The following KIF13A variants were observed in gnomAD, a reference collection of about 807,000 sequenced individuals.
The protein encoded by KIF13A is kinesin-like protein KIF13A.
KIF13A carries 79 observed loss-of-function variants against 212.2 expected under a neutral mutation model. The ratio of observed to expected loss-of-function variants is 0.37; its 90% confidence interval spans 0.31 to 0.45. The LOEUF is 0.45. Ranked by LOEUF, KIF13A falls within the 20% of genes least tolerant of loss-of-function variation. The pLI is 1.00. For missense variants in KIF13A, 1,901 were observed against 2,209.0 expected (o/e 0.86, Z 2.79); for synonymous variants, 789 against 808.6 (o/e 0.98, Z 0.41).
At chr6:17,979,736 C>A (rs1261961941) in intron 2 of KIF13A, among the ~76,000 whole-genome samples, 1 of 148,396 alleles carries the variant, frequency 6.7e-6, no homozygotes, top group Non-Finnish European at 1.5e-5. Context: ...AGAGAAGATA[C>A]CACAACCAAG....
intron 2 of KIF13A, among the ~76,000 whole-genome samples, chr6:17,916,294 T>C (rs116340744): frequency 0.015 from 2,298 of 152,278 alleles, 58 homozygotes; most frequent in African/African-American, 0.052. Flanking sequence ...TTAAATTACA[T>C]CCAACCACAT....
At chr6:17,976,626 G>C (rs1257679891) in intron 2 of KIF13A, among the ~76,000 whole-genome samples, 2 of 152,190 alleles carry the variant, frequency 1.3e-5, no homozygotes, top group Admixed American at 1.3e-4. Context: ...AGCCCAGAAA[G>C]GGGATCCCAC....
Position 17,794,941 on chromosome 6 carries a change from GAGAA to G in KIF13A, c.2943-241_2943-238del, listed in dbSNP as rs1252669287. 2.2e-6 allele frequency: 1 copy of G among 463,466 alleles called. No individual in the cohort carries two copies. Among genetic ancestry groups the G allele is most frequent in the Non-Finnish European group, 3.8e-6 (1 of 264,724 alleles). 28.7% of individuals were successfully genotyped at this position (463,466 alleles called of 1,614,324 possible). On this transcript the variant is annotated intron_variant, in intron 23 of 38. Transcript: ENST00000259711. This position sits in a 1 kb window ranked among gnomAD's most constrained non-coding sequence, Gnocchi z 4.1. ...TTGAGTATAGAGCTCGATGAGTTTT[GAGAA>G]ATGCACATATGAGTGTAACCTGCCC... is the stretch of plus-strand genomic sequence containing the variant.
chr6:17,826,411 G>C lies in KIF13A; in HGVS notation c.1533-287C>G, dbSNP rs1322193295. On this transcript the variant is annotated intron_variant, in intron 14 of 38. Transcript: ENST00000259711. The surrounding 1 kb of genome is among the most constrained non-coding windows in gnomAD (Gnocchi z 4.7). Reference sequence around the variant, plus strand: ...TCTTGTCAAAATTTGAGCTGAACCTGATCAAGCTTCCACATTTAAATGCCA... The same window carrying C: ...TCTTGTCAAAATTTGAGCTGAACCTCATCAAGCTTCCACATTTAAATGCCA... Among the ~76,000 whole-genome samples, 1 of 152,152 alleles carries C rather than the reference G, an allele frequency of 6.6e-6. No individual in the cohort carries two copies. Among genetic ancestry groups the C allele is most frequent in the Non-Finnish European group, 1.5e-5 (1 of 68,034 alleles).
At chr6:17,917,405 T>C (rs1035640233) in intron 2 of KIF13A, among the ~76,000 whole-genome samples, 1 of 151,710 alleles carries the variant, frequency 6.6e-6, no homozygotes, top group Non-Finnish European at 1.5e-5. Context: ...CACGCCCAGC[T>C]AACTTTTGTA....
rs964201809 is a variant in KIF13A at position 17,772,815 on chromosome 6, C to T, written c.4324+663G>A. Among the ~76,000 whole-genome samples the T allele has an allele frequency of 1.3e-5, 2 of 152,076 alleles. No homozygotes were observed. Among genetic ancestry groups the T allele is most frequent in the African/African-American group, 2.4e-5 (1 of 41,390 alleles). ...TTTTCTTGCGAGCCTCTTTTTTTCC[C>T]CCTCAGGCCACCCTGCTATATATGA... On this transcript the variant is annotated intron_variant, in intron 36 of 38. Transcript: ENST00000259711. The surrounding 1 kb of genome is among the most constrained non-coding windows in gnomAD (Gnocchi z 4.8).
At position 17,934,650 on chromosome 6, in the gene KIF13A, TG is replaced by T. The variant is rs1191406990; in HGVS notation, c.147-36471del. Among the ~76,000 whole-genome samples, 1 of 151,908 alleles carries T rather than the reference TG, an allele frequency of 6.6e-6. No homozygotes were observed. The highest frequency in any genetic ancestry group is 1.5e-5 in the Non-Finnish European group (1 of 67,966). ...AAAAATATTAAAAATTAGCAGGGCA[TG>T]GTGGCACATCCCTGTGGTCTCACCT... is the stretch of plus-strand genomic sequence containing the variant. On this transcript the variant is annotated intron_variant, in intron 2 of 38. Transcript: ENST00000259711. This position sits in a 1 kb window ranked among gnomAD's most constrained non-coding sequence, Gnocchi z 5.4.
Position 17,967,294 on chromosome 6 carries a change from TG to T in KIF13A, c.146+19759del, listed in dbSNP as rs903570202. Among the ~76,000 whole-genome samples, 4 of 152,326 alleles carry T rather than the reference TG, an allele frequency of 2.6e-5. No homozygotes were observed. The highest frequency in any genetic ancestry group is 2.6e-4 in the Admixed American group (4 of 15,300). On this transcript the variant is annotated intron_variant, in intron 2 of 38. Transcript: ENST00000259711. The surrounding 1 kb of genome is among the most constrained non-coding windows in gnomAD (Gnocchi z 4.1). ...AAAAACTCAGTAGTTATTCACTCAG[TG>T]GTATAAACTACCAAGCACAGAAAAA... is the stretch of plus-strand genomic sequence containing the variant.
Position 17,811,173 on chromosome 6 carries a change from C to T in KIF13A, c.2001-2243G>A, listed in dbSNP as rs1763398038. ...AATCAATCCTTCTCCCTGAAAACCTCTGTAGAAGACTCAGCTTCATTAAGT... is the reference window on the plus strand; with the variant it reads ...AATCAATCCTTCTCCCTGAAAACCTTTGTAGAAGACTCAGCTTCATTAAGT... On this transcript the variant is annotated intron_variant, in intron 17 of 38. Coordinates refer to ENST00000259711, the MANE Select transcript of KIF13A (RefSeq NM_022113.6). This position sits in a 1 kb window ranked among gnomAD's most constrained non-coding sequence, Gnocchi z 6.0. 6.6e-6 allele frequency among the ~76,000 whole-genome samples: 1 copy of T among 152,232 alleles called. No individual in the cohort carries two copies. The highest frequency in any genetic ancestry group is 6.5e-5 in the Admixed American group (1 of 15,272).
chr6:17,795,451 C>T (rs1431969977), intron 23 of KIF13A, among the ~76,000 whole-genome samples: 5 of 151,714 alleles, frequency 3.3e-5, no homozygotes, highest in African/African-American at 9.7e-5. Flanking sequence ...AAAAATTATC[C>T]GGGCATGGCA....
At position 17,837,759 on chromosome 6, in the gene KIF13A, C is replaced by T. The variant is rs1049751498; in HGVS notation, c.831-176G>A. Among the ~76,000 whole-genome samples the T allele has an allele frequency of 6.6e-6, 1 of 152,012 alleles. No homozygotes were observed. The highest frequency in any genetic ancestry group is 1.5e-5 in the Non-Finnish European group (1 of 67,986). Reference sequence around the variant, plus strand: ...TTGAGGCCAGGGGTTTGAGACCACCCTGGCCAACATGGTGAAACTCTGTCT... The same window carrying T: ...TTGAGGCCAGGGGTTTGAGACCACCTTGGCCAACATGGTGAAACTCTGTCT... On this transcript the variant is annotated intron_variant, in intron 9 of 38. Coordinates refer to ENST00000259711, the MANE Select transcript of KIF13A (RefSeq NM_022113.6). The surrounding 1 kb of genome is among the most constrained non-coding windows in gnomAD (Gnocchi z 5.4).
At position 17,849,390 on chromosome 6, in the gene KIF13A, T is replaced by C. The variant is rs1767405484; in HGVS notation, c.817A>G (p.Ser273Gly). 6.2e-7 allele frequency: 1 copy of C among 1,612,712 alleles called. No homozygotes were observed. The change falls in exon 9 of 39, where the codon AGC (serine) becomes GGC (glycine). Residue 273 changes from serine (S) to glycine (G), a missense_variant. Around this residue, in one of 5 missense-constraint regions of KIF13A, gnomAD observed 506 missense variants for 637.4 expected, o/e 0.79. Coordinates refer to ENST00000259711, the MANE Select transcript of KIF13A (RefSeq NM_022113.6). This position sits in a 1 kb window ranked among gnomAD's most constrained non-coding sequence, Gnocchi z 5.7. Reference protein sequence around the residue: ...GAAGERLKEGSNINKSLTTLG... With the variant: ...GAAGERLKEGGNINKSLTTLG... ...CAGCCACCTTACTTGTTAATGTTGC[T>C]GCCTTCTTTCAGTCGCTCTCCTGCA...
chr6:17,943,855 T>C (rs1777157884), intron 2 of KIF13A, among the ~76,000 whole-genome samples: 1 of 152,118 alleles, frequency 6.6e-6, no homozygotes, highest in South Asian at 2.1e-4. Context: ...TCAGTTGACT[T>C]ATGTCATAGA....
At chr6:17,763,378 G>A (rs1758676131), downstream of KIF13A, among the ~76,000 whole-genome samples, 1 of 150,638 alleles carries the variant, frequency 6.6e-6, no homozygotes, top group Non-Finnish European at 1.5e-5. Context: ...GCTGAGGCAG[G>A]AGGATCACGT....
rs1454379124 is a variant in KIF13A at position 17,850,219 on chromosome 6, C to T, written c.717+104G>A. The T allele has an allele frequency of 7.3e-6, 8 of 1,097,504 alleles. No individual in the cohort carries two copies. Among genetic ancestry groups the T allele is most frequent in the Non-Finnish European group, 1.0e-5 (8 of 790,938 alleles). The allele number at this position is 1,097,504 out of a possible 1,614,324, so 68.0% of individuals were successfully genotyped here. On this transcript the variant is annotated intron_variant, in intron 8 of 38. Coordinates refer to ENST00000259711, the MANE Select transcript of KIF13A (RefSeq NM_022113.6). This position sits in a 1 kb window ranked among gnomAD's most constrained non-coding sequence, Gnocchi z 6.2. The stretch of plus-strand genomic sequence containing the variant: ...CTCACCTAGTAAGCAGAAGAGCCAA[C>T]ATACAATTCTCAGCCACTGAACCCA...
chr6:17,987,201 C>G lies in KIF13A; in HGVS notation c.56-57G>C. The G allele has an allele frequency of 1.4e-6, 2 of 1,401,998 alleles. No individual in the cohort carries two copies. The highest frequency in any genetic ancestry group is 2.0e-6 in the Non-Finnish European group (2 of 1,021,244). The allele number at this position is 1,401,998 out of a possible 1,614,324, so 86.8% of individuals were successfully genotyped here. On this transcript the variant is annotated intron_variant, in intron 1 of 38. Transcript: ENST00000259711. The surrounding 1 kb of genome is among the most constrained non-coding windows in gnomAD (Gnocchi z 7.7). ...TCCAGCATCCGCGCCTCCAGCCCGCCCGCCCGCCAGCCGCGCCGAGCGGGG... is the reference window on the plus strand; with the variant it reads ...TCCAGCATCCGCGCCTCCAGCCCGCGCGCCCGCCAGCCGCGCCGAGCGGGG...
chr6:17,986,542 C>G (rs1781566573), intron 2 of KIF13A, among the ~76,000 whole-genome samples: 1 of 152,248 alleles, frequency 6.6e-6, no homozygotes, highest in Non-Finnish European at 1.5e-5. Flanking sequence ...TAGATACTAA[C>G]TAGTCCAGCC....
chr6:17,790,154 C>A (rs1260218036), intron 25 of KIF13A, among the ~76,000 whole-genome samples: 2 of 152,196 alleles, frequency 1.3e-5, no homozygotes, highest in African/African-American at 4.8e-5. Context: ...GTAATCCCAA[C>A]ACTTTGGGAG....
At position 17,899,051 on chromosome 6, in the gene KIF13A, C is replaced by T. The variant is rs922067182; in HGVS notation, c.147-871G>A. On this transcript the variant is annotated intron_variant, in intron 2 of 38. Transcript: ENST00000259711. This position sits in a 1 kb window ranked among gnomAD's most constrained non-coding sequence, Gnocchi z 5.2. ...TATGTTGCCCCAGGCTGGTCTCAAA[C>T]TCCTGACCTCAAGCAATCCCCCCAC... Among the ~76,000 whole-genome samples, 1 of 152,186 alleles carries T rather than the reference C, an allele frequency of 6.6e-6. No homozygotes were observed. The highest frequency in any genetic ancestry group is 2.4e-5 in the African/African-American group (1 of 41,438).
Sources: allele counts gnomAD v4.1 joint callset (sites outside exome capture counted in the v4.1 genomes callset), GRCh38; gene constraint gnomAD v4.1.1; regional missense constraint gnomAD v4.1.1; non-coding constraint Gnocchi (gnomAD v3.1); transcripts MANE v1.5; gene names NCBI Gene and HGNC (gene_info 2026-07-23, HGNC 2026-07-21).